The following RNFT2 variants were observed in gnomAD, a reference collection of about 807,000 sequenced individuals.
RNFT2 encodes the protein ring finger protein, transmembrane 2, also known as E3 ubiquitin-protein ligase RNFT2.
Under a neutral mutation model 53.0 loss-of-function variants are expected in RNFT2, and 36 were observed. The ratio of observed to expected loss-of-function variants is 0.68; its 90% CI spans 0.52 to 0.90. RNFT2 has a LOEUF of 0.90. Among genes scored for constraint, RNFT2 ranks in the 40% least tolerant of loss-of-function variants. The probability of loss-of-function intolerance (pLI) is 0.00; values close to 1 mark genes in which losing one functional copy is unlikely to be tolerated. For synonymous variants in RNFT2, 260 were observed against 253.2 expected, an observed-to-expected ratio of 1.03 and a Z score of -0.26; for missense variants, 514 against 585.6, an observed-to-expected ratio of 0.88 and a Z score of 1.26.
At chr12:116,756,987 C>G (rs1312777643) in intron 5 of RNFT2, among the ~76,000 whole-genome samples, 1 of 151,980 alleles carries the variant, frequency 6.6e-6, no homozygotes, top group Admixed American at 6.6e-5. Context: ...TTTTAAATTA[C>G]CATTTCAATC....
chr12:116,836,391 G>A (rs1003326747), intron 10 of RNFT2, 109 bp downstream of exon 10: 17 of 893,958 alleles, frequency 1.9e-5, no homozygotes, highest in South Asian at 3.0e-5. Context: ...GGGGCAATCC[G>A]GTTAAGACCG....
intron 5 of RNFT2, among the ~76,000 whole-genome samples, chr12:116,754,578 G>T (rs1157513656): frequency 1.3e-5 from 2 of 152,106 alleles, no homozygotes; most frequent in East Asian, 3.9e-4. Context: ...TTTTCATAGC[G>T]GTTGTACTAG....
At chr12:116,787,580 G>A (rs1335795394) in intron 7 of RNFT2, among the ~76,000 whole-genome samples, 1 of 152,062 alleles carries the variant, frequency 6.6e-6, no homozygotes, top group African/African-American at 2.4e-5. Flanking sequence ...GCTGGGCATG[G>A]TGGAACGCAC....
chr12:116,752,477 A>G (rs1270298666), intron 4 of RNFT2, among the ~76,000 whole-genome samples: 1 of 152,210 alleles, frequency 6.6e-6, no homozygotes, highest in African/African-American at 2.4e-5. Context: ...AAGAGTACCA[A>G]AAAGGATTAT....
intron 7 of RNFT2, among the ~76,000 whole-genome samples, chr12:116,832,560 C>T (rs1876730862): frequency 6.6e-6 from 1 of 152,144 alleles, no homozygotes; most frequent in African/African-American, 2.4e-5. Context: ...TTTCATTTCT[C>T]TCGGGTAAAT....
chr12:116,816,128 C>T (rs942035587), intron 7 of RNFT2, among the ~76,000 whole-genome samples: 8 of 152,222 alleles, frequency 5.3e-5, no homozygotes, highest in South Asian at 4.1e-4. Flanking sequence ...AACGCCTTTT[C>T]GTAGCTAACA....
chr12:116,824,252 T>C (rs756168878), intron 7 of RNFT2, among the ~76,000 whole-genome samples: 38 of 152,182 alleles, frequency 2.5e-4, no homozygotes, highest in Non-Finnish European at 4.9e-4. Context: ...CTATGAGCCA[T>C]GCCTATGGGA....
At chr12:116,756,070 T>G (rs1230262663) in intron 5 of RNFT2, among the ~76,000 whole-genome samples, 1 of 152,172 alleles carries the variant, frequency 6.6e-6, no homozygotes, top group African/African-American at 2.4e-5. Flanking sequence ...TCCATATGAA[T>G]TTTGGAATTT....
At chr12:116,832,401 G>A (rs948761853) in intron 7 of RNFT2, among the ~76,000 whole-genome samples, 8 of 151,970 alleles carry the variant, frequency 5.3e-5, no homozygotes, top group Non-Finnish European at 1.2e-4. Context: ...AGGCATTCAT[G>A]TATACTTATT....
At chr12:116,848,912 G>A (rs1053719433) in intron 10 of RNFT2, among the ~76,000 whole-genome samples, 4 of 151,866 alleles carry the variant, frequency 2.6e-5, no homozygotes, top group Admixed American at 6.6e-5. Context: ...CTCTGCCTCC[G>A]GGTTCAAACG....
chr12:116,756,475 T>A (rs1592940859), intron 5 of RNFT2, among the ~76,000 whole-genome samples: 1 of 152,326 alleles, frequency 6.6e-6, no homozygotes, highest in East Asian at 1.9e-4. Context: ...TTATCATAGA[T>A]GGCTTTTATT....
chr12:116,786,777 A>G (rs1873955187), intron 7 of RNFT2, among the ~76,000 whole-genome samples: 1 of 152,160 alleles, frequency 6.6e-6, no homozygotes, highest in South Asian at 2.1e-4. Flanking sequence ...AATCAGTGTC[A>G]CTGAGCCAAA....
chr12:116,813,588 G>A (rs1473706532), intron 7 of RNFT2, among the ~76,000 whole-genome samples: 1 of 152,184 alleles, frequency 6.6e-6, no homozygotes. Flanking sequence ...TGTTGTGTTT[G>A]CTGGTTTGTC....
intron 10 of RNFT2, among the ~76,000 whole-genome samples, chr12:116,848,359 A>C (rs1314281044): frequency 6.6e-6 from 1 of 151,780 alleles, no homozygotes; most frequent in Admixed American, 6.6e-5. Context: ...TTTCCTCTTG[A>C]CCCTTGTGTT....
intron 7 of RNFT2, among the ~76,000 whole-genome samples, chr12:116,797,774 C>T (rs1874575196): frequency 6.6e-6 from 1 of 152,198 alleles, no homozygotes; most frequent in East Asian, 1.9e-4. Context: ...CAGAGAGTAG[C>T]ACCTCAGGGC....
rs1241855560 is a variant in RNFT2, at chr12:116,851,837, T to C, written c.*2389T>C. On this transcript the variant is annotated 3_prime_UTR_variant, in exon 11 of 11. Transcript: ENST00000257575. Reference sequence around the variant, plus strand: ...GCTTTGGCCCAGATGTGGTTACCCCTTGGTCTCCTGTCTTTATGTCTTTCT... The same window carrying C: ...GCTTTGGCCCAGATGTGGTTACCCCCTGGTCTCCTGTCTTTATGTCTTTCT... The C allele has an allele frequency of 8.6e-6, 12 of 1,391,888 alleles. No individual in the cohort carries two copies. Among genetic ancestry groups the C allele is most frequent in the Admixed American group, 2.0e-5 (1 of 50,806 alleles). The allele number at this position is 1,391,888 out of a possible 1,614,324, so 86.2% of individuals were successfully genotyped here.
rs1565875183 is a variant in RNFT2, at chr12:116,839,425, G to GGATGGA, written c.1200+3143_1200+3144insGATGGA. 1.4e-3 allele frequency among the ~76,000 whole-genome samples: 160 copies of GGATGGA among 112,538 alleles called. 1 individual carries two copies. The highest frequency in any genetic ancestry group is 5.2e-3 in the African/African-American group (150 of 28,682). 73.8% of individuals were successfully genotyped at this position (112,538 alleles called of 152,430 possible). A position where few individuals can be genotyped will look rare whatever the true frequency, so the allele number is the denominator to read the frequency against. ...ATGGATGGATGGGATGGGTGGGTGG[G>GGATGGA]TGGATGGATGGATGGATGGATGGAT... On this transcript the variant is annotated intron_variant, in intron 10 of 10. Coordinates refer to ENST00000257575, the MANE Select transcript of RNFT2 (RefSeq NM_001382266.1).
intron 7 of RNFT2, among the ~76,000 whole-genome samples, chr12:116,782,514 G>A (rs1413006929): frequency 6.6e-6 from 1 of 152,032 alleles, no homozygotes; most frequent in Non-Finnish European, 1.5e-5. Context: ...GCAACAGAGT[G>A]AGACTCTGCC....
chr12:116,780,168 A>G (rs115148685), intron 7 of RNFT2, among the ~76,000 whole-genome samples: 2 of 151,948 alleles, frequency 1.3e-5, no homozygotes, highest in African/African-American at 2.4e-5. Flanking sequence ...CATAACCCCA[A>G]TCTTTGGGCC....
Sources: allele counts gnomAD v4.1 joint callset (sites outside exome capture counted in the v4.1 genomes callset), GRCh38; gene constraint gnomAD v4.1.1; transcripts MANE v1.5; gene names NCBI Gene and HGNC (gene_info 2026-07-23, HGNC 2026-07-21).